The following SMC1B variants were observed in gnomAD, a reference collection of about 807,000 sequenced individuals.
SMC1B encodes the protein structural maintenance of chromosomes 1B.
SMC1B carries 60 observed loss-of-function variants against 157.9 expected under a neutral mutation model. That is an observed-to-expected ratio of 0.38 (90% CI 0.31 to 0.47). SMC1B has a LOEUF of 0.47. Among genes scored for constraint, SMC1B ranks in the 20% least tolerant of loss-of-function variants. The pLI, the probability that SMC1B is intolerant of heterozygous loss-of-function variation, is 0.99. For missense variants in SMC1B, 1,165 were observed against 1,426.2 expected, an observed-to-expected ratio of 0.82 and a Z score of 2.95; for synonymous variants, 445 against 483.0, an observed-to-expected ratio of 0.92 and a Z score of 1.03.
chr22:45,394,558 C>T, intron 8 of SMC1B, 127 bp downstream of exon 8: 1 of 1,131,838 alleles, frequency 8.8e-7, no homozygotes, highest in Non-Finnish European at 1.1e-6. Flanking sequence ...GTCATGTGAG[C>T]CCCGGAAGTT....
intron 6 of SMC1B, among the ~76,000 whole-genome samples, chr22:45,397,032 CT>C (rs1294095572): frequency 6.6e-6 from 1 of 152,092 alleles, no homozygotes. Context: ...TATCGTTTAT[CT>C]CTTTTATCAA....
intron 2 of SMC1B, among the ~76,000 whole-genome samples, chr22:45,408,428 C>G (rs2087289460): frequency 6.6e-6 from 1 of 152,106 alleles, no homozygotes; most frequent in South Asian, 2.1e-4. Flanking sequence ...CCCGACCCTC[C>G]CTCCTTCATC....
chr22:45,379,545 A>G (rs1307027244), intron 12 of SMC1B, among the ~76,000 whole-genome samples: 1 of 151,974 alleles, frequency 6.6e-6, no homozygotes, highest in Non-Finnish European at 1.5e-5. Context: ...CAATATACAT[A>G]CGGTCTTTAG....
At position 45,362,754 on chromosome 22, in the gene SMC1B, T is replaced by G. The variant is rs1055281523; in HGVS notation, c.2562+131A>C. 5 of 729,774 alleles carry G rather than the reference T, an allele frequency of 6.9e-6. No individual in the cohort carries two copies. The African/African-American group carries it at 7.3e-5, about 11-fold the overall frequency. 45.2% of individuals were successfully genotyped at this position (729,774 alleles called of 1,614,324 possible). A position where few individuals can be genotyped will look rare whatever the true frequency, so the allele number is the denominator to read the frequency against. On this transcript the variant is annotated intron_variant, in intron 16 of 24. Coordinates refer to ENST00000357450, the MANE Select transcript of SMC1B (RefSeq NM_148674.5). ...ATTCATAAAGCTCTGCTGATTTTACTTTAAGTATTTCTTAAATCTGTCCCC... is the reference window on the plus strand; with the variant it reads ...ATTCATAAAGCTCTGCTGATTTTACGTTAAGTATTTCTTAAATCTGTCCCC...
intron 15 of SMC1B, among the ~76,000 whole-genome samples, chr22:45,368,610 T>C (rs1427463756): frequency 2.0e-5 from 3 of 151,450 alleles, no homozygotes; most frequent in Non-Finnish European, 4.4e-5. Context: ...TTCTGCCTCC[T>C]GGGTTCAAGC....
chr22:45,386,989 C>T lies in SMC1B; in HGVS notation c.1789G>A (p.Val597Ile). ...ELKGCKMVID[V>I]IKTQFPQLKK... ...AGCTGAGGAAACTGAGTCTTTATGA[C>T]ATCAATCACCATTTTACAGCCTTTA... is the stretch of plus-strand genomic sequence containing the variant. Residue 597 changes from valine to isoleucine, a missense_variant, in exon 11 of 25, where the codon GTC (valine) becomes ATC (isoleucine). By Grantham distance (29) the Val-to-Ile change is conservative. Coordinates refer to ENST00000357450, the MANE Select transcript of SMC1B (RefSeq NM_148674.5). 6.2e-7 allele frequency: 1 copy of T among 1,614,030 alleles called. No homozygotes were observed. Among genetic ancestry groups the T allele is most frequent in the East Asian group, 2.2e-5 (1 of 44,856 alleles).
At chr22:45,408,665 C>T in intron 2 of SMC1B, 45 bp downstream of exon 2, 1 of 1,383,568 alleles carries the variant, frequency 7.2e-7, no homozygotes. Flanking sequence ...GGCAATCTTA[C>T]TTGACTCTTG....
chr22:45,387,742 C>A (rs1442127658), intron 10 of SMC1B, among the ~76,000 whole-genome samples: 4 of 152,016 alleles, frequency 2.6e-5, no homozygotes, highest in African/African-American at 7.2e-5. Flanking sequence ...ATTTAAAAAA[C>A]CACTTTTGGG....
Position 45,358,719 on chromosome 22 carries a change from C to T in SMC1B, c.2939G>A (p.Ser980Asn). 2 of 1,610,756 alleles carry T rather than the reference C, an allele frequency of 1.2e-6. No homozygotes were observed. Among genetic ancestry groups the T allele is most frequent in the Non-Finnish European group, 1.7e-6 (2 of 1,177,540 alleles). ...TACCTTCAAATCCTCTTTTAGAGAG[C>T]TGTAGTCTATTTCAAAGGCTTCTTC... ...EKEEAFEIDY[S>N]SLKEDLKALQ... The change falls in exon 19 of 25, where the codon AGC becomes AAC. Residue 980 changes from serine to asparagine, a missense_variant. Transcript: ENST00000357450.
In SMC1B at chr22:45,374,762, C is replaced by T. The variant is rs571525857; in HGVS notation, c.2059-2470G>A. 2.6e-5 allele frequency among the ~76,000 whole-genome samples: 4 copies of T among 152,276 alleles called. No individual in the cohort carries two copies. In the South Asian group the frequency reaches 8.3e-4, roughly 32 times the overall value. On this transcript the variant is annotated intron_variant, in intron 12 of 24. Coordinates refer to ENST00000357450, the MANE Select transcript of SMC1B (RefSeq NM_148674.5). ...TACACATAAGCCACTTTCATACCTG[C>T]CTACTAATGTATGGACTTCAGAGTA...
chr22:45,378,358 T>TA (rs2086902974), intron 12 of SMC1B, among the ~76,000 whole-genome samples: 1 of 152,158 alleles, frequency 6.6e-6, no homozygotes, highest in Non-Finnish European at 1.5e-5. Flanking sequence ...AGCTCTACTT[T>TA]AAAAAAACTA....
chr22:45,402,706 G>A (rs1256917696), intron 4 of SMC1B, 135 bp from the exon 5 acceptor site: 4 of 712,376 alleles, frequency 5.6e-6, no homozygotes, highest in Non-Finnish European at 9.6e-6. Flanking sequence ...GCCAAAAGTA[G>A]CATAATTTGG....
intron 23 of SMC1B, among the ~76,000 whole-genome samples, chr22:45,349,100 C>A (rs149829717): frequency 4.3e-4 from 65 of 150,998 alleles, no homozygotes; most frequent in African/African-American, 1.3e-3. Context: ...CTGCAAACTC[C>A]ACCTCCTGGG....
At chr22:45,374,770 T>C (rs1348565154) in intron 12 of SMC1B, among the ~76,000 whole-genome samples, 1 of 152,180 alleles carries the variant, frequency 6.6e-6, no homozygotes, top group African/African-American at 2.4e-5. Flanking sequence ...TGCCTACTAA[T>C]GTATGGACTT....
chr22:45,349,323 G>T (rs1025412778), intron 23 of SMC1B, among the ~76,000 whole-genome samples: 2 of 150,880 alleles, frequency 1.3e-5, no homozygotes, highest in Admixed American at 6.6e-5. Flanking sequence ...GCCAAGGACT[G>T]AATTTTTTGT....
intron 4 of SMC1B, among the ~76,000 whole-genome samples, chr22:45,405,813 T>C (rs894867499): frequency 4.6e-5 from 7 of 152,200 alleles, no homozygotes; most frequent in African/African-American, 1.2e-4. Flanking sequence ...TCTATTTCAA[T>C]GTGTCGACAC....
chr22:45,353,854 G>A, intron 21 of SMC1B, 124 bp downstream of exon 21: 2 of 747,596 alleles, frequency 2.7e-6, no homozygotes, highest in Non-Finnish European at 4.1e-6. Flanking sequence ...TGCCCCATGA[G>A]TGAGTTGCTC....
chr22:45,396,869 A>T (rs1378463629), intron 6 of SMC1B, among the ~76,000 whole-genome samples: 1 of 152,080 alleles, frequency 6.6e-6, no homozygotes, highest in Non-Finnish European at 1.5e-5. Flanking sequence ...GGCTTTGAGG[A>T]GACATGATCA....
rs1375471266 is a variant in SMC1B at position 45,349,814 on chromosome 22, A to G, written c.3426-17T>C. On this transcript the variant is annotated splice_polypyrimidine_tract_variant and intron_variant, in intron 22 of 24. Coordinates refer to ENST00000357450, the MANE Select transcript of SMC1B (RefSeq NM_148674.5). ...GGACGAAAACTAGAAAAAAATTACA[A>G]TCAAGTAAGTTACAATTTTCTATTT... The G allele has an allele frequency of 1.3e-6, 2 of 1,584,626 alleles. No individual in the cohort carries two copies.
Sources: allele counts gnomAD v4.1 joint callset (sites outside exome capture counted in the v4.1 genomes callset), GRCh38; gene constraint gnomAD v4.1.1; transcripts MANE v1.5; gene names NCBI Gene and HGNC (gene_info 2026-07-23, HGNC 2026-07-21).